CNTN3: variants seen among roughly 807,000 people sequenced by gnomAD.
The protein encoded by CNTN3 is contactin 3.
CNTN3 carries 60 observed loss-of-function variants against 119.1 expected under a neutral mutation model. The observed-to-expected ratio is 0.50, with a 90% CI of 0.41 to 0.62. The LOEUF (loss-of-function observed/expected upper bound fraction) is 0.62, where lower values mean the gene tolerates loss of function less well. Among genes scored for constraint, CNTN3 ranks in the 20% least tolerant of loss-of-function variants. The probability of loss-of-function intolerance (pLI) is 0.00; values close to 1 mark genes in which losing one functional copy is unlikely to be tolerated. For missense variants in CNTN3, 1,101 were observed against 1,242.4 expected (o/e 0.89, Z 1.71); for synonymous variants, 450 against 438.7 (o/e 1.03, Z -0.32).
rs774958950 is a variant in CNTN3 at position 74,264,029 on chromosome 3, G to A, written c.*372C>T. On this transcript the variant is annotated 3_prime_UTR_variant, in exon 23 of 23. Coordinates refer to ENST00000263665, the MANE Select transcript of CNTN3 (RefSeq NM_020872.3). Reference sequence around the variant, plus strand: ...CTTCCAAATAATGCTATTATAATGGGAAAATAGCATTTGAATTAAATGAAA... The same window carrying A: ...CTTCCAAATAATGCTATTATAATGGAAAAATAGCATTTGAATTAAATGAAA... The A allele has an allele frequency of 1.0e-4, 16 of 156,020 alleles. No homozygotes were observed. Among genetic ancestry groups the A allele is most frequent in the Non-Finnish European group, 1.8e-4 (13 of 70,552 alleles). The allele number at this position is 156,020 out of a possible 1,614,324, so 9.7% of individuals were successfully genotyped here.
chr3:74,304,932 A>G (rs1485084871), intron 13 of CNTN3, among the ~76,000 whole-genome samples: 6 of 152,276 alleles, frequency 3.9e-5, no homozygotes, highest in African/African-American at 1.4e-4. Flanking sequence ...TTTTGTCTCC[A>G]TTAATAAAAT....
chr3:74,566,497 C>A (rs999589870), intron 1 of CNTN3, among the ~76,000 whole-genome samples: 8 of 152,152 alleles, frequency 5.3e-5, no homozygotes, highest in Non-Finnish European at 8.8e-5. Context: ...TTCCTTGCTT[C>A]TTCTAGCTTC....
intron 1 of CNTN3, among the ~76,000 whole-genome samples, chr3:74,538,349 T>C (rs898148157): frequency 2.0e-5 from 3 of 152,154 alleles, no homozygotes; most frequent in African/African-American, 4.8e-5. Flanking sequence ...TTTTACAGTT[T>C]TAAAGCAGAG....
chr3:74,482,128 A>G (rs1173745777), intron 4 of CNTN3, among the ~76,000 whole-genome samples: 1 of 152,006 alleles, frequency 6.6e-6, no homozygotes, highest in Non-Finnish European at 1.5e-5. Flanking sequence ...AATAAGGAAT[A>G]ATCTCCAGGT....
At chr3:74,492,420 G>A (rs936100322) in intron 3 of CNTN3, among the ~76,000 whole-genome samples, 1 of 152,068 alleles carries the variant, frequency 6.6e-6, no homozygotes, top group African/African-American at 2.4e-5. Flanking sequence ...ACACACAACA[G>A]GGACACTGGC....
chr3:74,394,238 T>C (rs1227827493), intron 5 of CNTN3, among the ~76,000 whole-genome samples: 12 of 152,136 alleles, frequency 7.9e-5, no homozygotes. Context: ...TTAATAACTA[T>C]AAAACTGAAG....
chr3:74,512,737 T>G (rs1000455045), intron 2 of CNTN3, among the ~76,000 whole-genome samples: 2 of 148,724 alleles, frequency 1.3e-5, no homozygotes, highest in African/African-American at 4.9e-5. Context: ...ACATGTCATT[T>G]GTGGCCTTGT....
intron 17 of CNTN3, 74 bp downstream of exon 17, chr3:74,299,794 C>T (rs149319981): frequency 0.012 from 14,963 of 1,248,928 alleles, 118 homozygotes; most frequent in Middle Eastern, 0.041. Context: ...ACCATTGGCA[C>T]CACCACCTGG....
chr3:74,266,842 G>A (rs1035258158), intron 21 of CNTN3, among the ~76,000 whole-genome samples, 193 bp from the exon 22 acceptor site: 2 of 152,100 alleles, frequency 1.3e-5, no homozygotes, highest in Non-Finnish European at 2.9e-5. Context: ...TCAAAATCAG[G>A]GAGGCTTGGG....
At chr3:74,341,534 T>C (rs1204159034) in intron 11 of CNTN3, among the ~76,000 whole-genome samples, 1 of 152,172 alleles carries the variant, frequency 6.6e-6, no homozygotes, top group Non-Finnish European at 1.5e-5. Flanking sequence ...AGTTTTATAA[T>C]ATACTTTTAT....
At chr3:74,449,296 G>A (rs890533131) in intron 4 of CNTN3, among the ~76,000 whole-genome samples, 1 of 151,974 alleles carries the variant, frequency 6.6e-6, no homozygotes, top group African/African-American at 2.4e-5. Context: ...CATTTTTAGA[G>A]GAGGTTCTGA....
At position 74,369,930 on chromosome 3, in the gene CNTN3, A is replaced by C. The variant is rs1276839065; in HGVS notation, c.720T>G (p.Ala240=). The C allele has an allele frequency of 6.2e-7, 1 of 1,609,290 alleles. No individual in the cohort carries two copies. Among genetic ancestry groups the C allele is most frequent in the Non-Finnish European group, 8.5e-7 (1 of 1,177,164 alleles). Residue 240 remains alanine (A), a synonymous_variant, in exon 7 of 23, where the codon GCT becomes GCG. Transcript: ENST00000263665. ...EVQFPETLPA[A]KGSTVKLECF... Reference sequence around the variant, plus strand: ...ATTCCAATTTCACAGTCGAACCTTTAGCTGCTGGAAGAGTTTCTGGAAACT... The same window carrying C: ...ATTCCAATTTCACAGTCGAACCTTTCGCTGCTGGAAGAGTTTCTGGAAACT...
At chr3:74,279,595 C>T (rs746577898) in intron 20 of CNTN3, among the ~76,000 whole-genome samples, 24 of 149,330 alleles carry the variant, frequency 1.6e-4, no homozygotes, top group Admixed American at 9.5e-4. Context: ...GCTATGAGGA[C>T]GCAAAGGCGT....
chr3:74,534,162 A>G (rs765028847), intron 1 of CNTN3, among the ~76,000 whole-genome samples: 2 of 152,044 alleles, frequency 1.3e-5, no homozygotes, highest in Non-Finnish European at 2.9e-5. Flanking sequence ...TTCTGGGAAA[A>G]CAGGATCTAA....
In CNTN3 at chr3:74,383,309, C is replaced by CCTAT. The variant is rs1240574315; in HGVS notation, c.455-11914_455-11911dup. ...CCCTATTATATTTTTCAACACTCCA[C>CCTAT]CTATCTAGTTACCAGCACACCATTT... On this transcript the variant is annotated intron_variant, in intron 5 of 22. Transcript: ENST00000263665. Among the ~76,000 whole-genome samples, 8 of 152,210 alleles carry CCTAT rather than the reference C, an allele frequency of 5.3e-5. No homozygotes were observed. The East Asian group carries it at 1.5e-3, about 29-fold the overall frequency.
chr3:74,573,952 T>C (rs988496220), intron 1 of CNTN3, among the ~76,000 whole-genome samples: 6 of 152,102 alleles, frequency 3.9e-5, no homozygotes, highest in Non-Finnish European at 7.3e-5. Flanking sequence ...CATATTCGTA[T>C]ACCCAAGAAA....
At chr3:74,433,811 T>C (rs1001298501) in intron 4 of CNTN3, among the ~76,000 whole-genome samples, 2 of 152,178 alleles carry the variant, frequency 1.3e-5, no homozygotes, top group Admixed American at 6.5e-5. Flanking sequence ...TTTGGCCACA[T>C]CTCTTTTTTG....
chr3:74,291,777 C>G (rs1702236977), intron 19 of CNTN3, among the ~76,000 whole-genome samples: 1 of 152,148 alleles, frequency 6.6e-6, no homozygotes, highest in Admixed American at 6.5e-5. Flanking sequence ...CTGTGGCTCC[C>G]TTCCCAAAGC....
rs1701679201 is a variant in CNTN3, at chr3:74,267,288, T to G, written c.2795A>C (p.Glu932Ala). The stretch of plus-strand genomic sequence containing the variant: ...TACTTTATATCCTGTTACTTCTGAC[T>G]CATTCTCCATGGCTTTAACTTGCTC... ...NWEQVKAMENESEVTGYKVFY... is the reference protein window; with the variant it reads ...NWEQVKAMENASEVTGYKVFY... The change falls in exon 21 of 23, where the codon GAG becomes GCG. Residue 932 changes from glutamate to alanine, a missense_variant. Coordinates refer to ENST00000263665, the MANE Select transcript of CNTN3 (RefSeq NM_020872.3). The G allele has an allele frequency of 6.2e-7, 1 of 1,611,646 alleles. No homozygotes were observed. Among genetic ancestry groups the G allele is most frequent in the African/African-American group, 1.3e-5 (1 of 74,844 alleles).
Sources: gnomAD v4.1 joint callset for allele counts (sites outside exome capture counted in the v4.1 genomes callset) on GRCh38, gnomAD v4.1.1 for gene constraint, MANE v1.5 for transcripts, NCBI Gene and HGNC (gene_info 2026-07-23, HGNC 2026-07-21) for gene names.